Variants in PLAA observed in about 807,000 individuals in gnomAD.
The protein encoded by PLAA is phospholipase A-2-activating protein.
Under a neutral mutation model 84.1 loss-of-function variants are expected in PLAA, and 48 were observed. The observed-to-expected ratio is 0.57, with a 90% confidence interval of 0.45 to 0.73. PLAA has a LOEUF of 0.73. Ranked by LOEUF, PLAA falls within the 30% of genes least tolerant of loss-of-function variation. The pLI is 0.00. For synonymous variants in PLAA, 392 were observed against 336.6 expected (o/e 1.16, Z -1.80); for missense variants, 903 against 954.7 (o/e 0.95, Z 0.71).
intron 6 of PLAA, 150 bp from the exon 7 acceptor site, chr9:26,923,497 C>A: frequency 1.8e-6 from 1 of 563,574 alleles, no homozygotes; most frequent in Non-Finnish European, 3.1e-6. Flanking sequence ...ACTGTGCTGA[C>A]TTCAGCACAT....
chr9:26,916,379 C>T (rs897583909), intron 10 of PLAA: 6 of 986,864 alleles, frequency 6.1e-6, no homozygotes, highest in East Asian at 1.1e-4. Context: ...TCTTCAGCTG[C>T]CTTAAAGTCC....
At chr9:26,925,022 T>C (rs1250881506) in intron 6 of PLAA, among the ~76,000 whole-genome samples, 4 of 152,236 alleles carry the variant, frequency 2.6e-5, no homozygotes, top group Non-Finnish European at 5.9e-5. Flanking sequence ...TTAATGAAGA[T>C]TTCCAATCAC....
chr9:26,923,295 C>T lies in PLAA; in HGVS notation c.922G>A (p.Glu308Lys), dbSNP rs781074905. 42 of 1,613,648 alleles carry T rather than the reference C, an allele frequency of 2.6e-5. No individual in the cohort carries two copies. The highest frequency in any genetic ancestry group is 3.3e-5 in the Non-Finnish European group (39 of 1,179,788). Residue 308 changes from glutamate (E) to lysine (K), a missense_variant, in exon 7 of 14, where the codon GAA becomes AAA. Coordinates refer to ENST00000397292, the MANE Select transcript of PLAA (RefSeq NM_001031689.3). Reference sequence around the variant, plus strand: ...TCTTTTTCAAAAGCCTTGATTTCTTCAGCACTTGCTGTTCGATCTTCTGAT... The same window carrying T: ...TCTTTTTCAAAAGCCTTGATTTCTTTAGCACTTGCTGTTCGATCTTCTGAT... ...TESEDRTASA[E>K]EIKAFEKELS...
At chr9:26,913,657 G>A (rs1046774170) in intron 11 of PLAA, among the ~76,000 whole-genome samples, 3 of 152,048 alleles carry the variant, frequency 2.0e-5, no homozygotes, top group African/African-American at 7.3e-5. Flanking sequence ...AGCATCTCTG[G>A]GGATAAGGCT....
chr9:26,944,623 T>G (rs996488307), intron 1 of PLAA, among the ~76,000 whole-genome samples: 1 of 152,214 alleles, frequency 6.6e-6, no homozygotes, highest in Non-Finnish European at 1.5e-5. Flanking sequence ...CCTCATAATG[T>G]TTTAAGAAAG....
In PLAA at chr9:26,917,114, G is replaced by A. The variant is rs1824587153; in HGVS notation, c.1469C>T (p.Thr490Ile). 3.7e-6 allele frequency: 6 copies of A among 1,613,814 alleles called. No individual in the cohort carries two copies. The highest frequency in any genetic ancestry group is 5.1e-6 in the Non-Finnish European group (6 of 1,179,730). ...GSSGSSNTLPTADPFTGAGRY... is the reference protein window; with the variant it reads ...GSSGSSNTLPIADPFTGAGRY... ...CATCCCACCTGTAAAAGGATCTGCT[G>A]TGGGTAGTGTGTTAGAAGATCCCGA... Residue 490 changes from threonine (T) to isoleucine (I), a missense_variant, in exon 10 of 14, where the codon ACA becomes ATA. Transcript: ENST00000397292.
At chr9:26,917,960 A>C (rs780293131) in intron 9 of PLAA, among the ~76,000 whole-genome samples, 18 of 152,240 alleles carry the variant, frequency 1.2e-4, no homozygotes, top group Non-Finnish European at 2.4e-4. Flanking sequence ...CTTACACAGT[A>C]CTACAATCTG....
intron 9 of PLAA, among the ~76,000 whole-genome samples, chr9:26,918,109 T>A (rs1441528779): frequency 1.3e-5 from 2 of 151,830 alleles, no homozygotes; most frequent in African/African-American, 4.9e-5. Context: ...ATAATTTTTT[T>A]TAAAATTTTT....
chr9:26,944,895 A>G (rs1825641655), intron 1 of PLAA, among the ~76,000 whole-genome samples: 1 of 152,258 alleles, frequency 6.6e-6, no homozygotes, highest in African/African-American at 2.4e-5. Flanking sequence ...TGGGAGGCCA[A>G]GGTGGGCAGA....
At position 26,904,819 on chromosome 9, in the gene PLAA, T is replaced by C. The variant is rs768226682; in HGVS notation, c.*692A>G. On this transcript the variant is annotated 3_prime_UTR_variant, in exon 14 of 14. Coordinates refer to ENST00000397292, the MANE Select transcript of PLAA (RefSeq NM_001031689.3). ...TCAAAACTAGAATGAAAAATGAAGT[T>C]ACCTCAAATAGTGAAGGGCAAAAGA... 3 of 152,350 alleles carry C rather than the reference T, an allele frequency of 2.0e-5. No homozygotes were observed. The highest frequency in any genetic ancestry group is 4.4e-5 in the Non-Finnish European group (3 of 67,990). The allele number at this position is 152,350 out of a possible 1,614,324, so 9.4% of individuals were successfully genotyped here.
chr9:26,943,183 T>TAG (rs1345009533), intron 1 of PLAA, among the ~76,000 whole-genome samples: 1 of 152,102 alleles, frequency 6.6e-6, no homozygotes, highest in Non-Finnish European at 1.5e-5. Flanking sequence ...AGCTAGCTTA[T>TAG]AGAGACCTGA....
chr9:26,935,309 T>C (rs1332194782), intron 1 of PLAA, 103 bp from the exon 2 acceptor site: 3 of 642,398 alleles, frequency 4.7e-6, no homozygotes, highest in Non-Finnish European at 7.7e-6. Flanking sequence ...AGACAAACTT[T>C]AGAGTATATA....
chr9:26,916,538 T>C (rs1370091308), intron 10 of PLAA: 4 of 986,930 alleles, frequency 4.1e-6, no homozygotes, highest in Non-Finnish European at 4.8e-6. Context: ...GGTAGTTGGG[T>C]GGAATGTCTC....
At position 26,905,715 on chromosome 9, in the gene PLAA, T is replaced by A. The variant is rs1415251345; in HGVS notation, c.2184A>T (p.Leu728=). The change falls in exon 14 of 14, where the codon CTA becomes CTT. Residue 728 remains leucine (L), a synonymous_variant. Coordinates refer to ENST00000397292, the MANE Select transcript of PLAA (RefSeq NM_001031689.3). ...GTACTACTTCCAAGATTGTGCTAATTAGTGACAAACATTGGGCTTTCCCTT... is the reference window on the plus strand; with the variant it reads ...GTACTACTTCCAAGATTGTGCTAATAAGTGACAAACATTGGGCTTTCCCTT... ...NIEGKAQCLS[L]ISTILEVVQD... 2 of 1,614,048 alleles carry A rather than the reference T, an allele frequency of 1.2e-6. No homozygotes were observed. The highest frequency in any genetic ancestry group is 4.5e-5 in the East Asian group (2 of 44,894).
At chr9:26,927,451 C>T (rs868433069) in intron 4 of PLAA, among the ~76,000 whole-genome samples, 1 of 152,148 alleles carries the variant, frequency 6.6e-6, no homozygotes. Flanking sequence ...TACAAAGGGA[C>T]TTCTTGCATA....
chr9:26,930,522 A>T lies in PLAA; in HGVS notation c.344-2114T>A, dbSNP rs140819119. 1.4e-3 allele frequency among the ~76,000 whole-genome samples: 220 copies of T among 151,934 alleles called. 4 individuals are homozygous for T. The East Asian group carries it at 0.021, about 15-fold the overall frequency. On this transcript the variant is annotated intron_variant, in intron 2 of 13. Transcript: ENST00000397292. Reference sequence around the variant, plus strand: ...AAAATCTGATGAACAGAGTCCCTTTATTAATCCATGTTGAACATGTAGGGT... The same window carrying T: ...AAAATCTGATGAACAGAGTCCCTTTTTTAATCCATGTTGAACATGTAGGGT...
chr9:26,940,790 A>G (rs892938047), intron 1 of PLAA, among the ~76,000 whole-genome samples: 2 of 152,218 alleles, frequency 1.3e-5, no homozygotes, highest in East Asian at 3.8e-4. Context: ...GCATTATGAA[A>G]AAGTCTTCAA....
intron 12 of PLAA, among the ~76,000 whole-genome samples, chr9:26,910,040 A>AT (rs35465977): frequency 2.0e-5 from 3 of 151,958 alleles, no homozygotes; most frequent in Non-Finnish European, 2.9e-5. Context: ...ATATTCATTA[A>AT]TTTTTTTTGA....
At chr9:26,911,508 C>T (rs752594600) in intron 11 of PLAA, among the ~76,000 whole-genome samples, 27 of 152,096 alleles carry the variant, frequency 1.8e-4, no homozygotes, top group Non-Finnish European at 3.5e-4. Context: ...GGGCTGGTCT[C>T]GAACTCCTGA....
Sources: allele counts gnomAD v4.1 joint callset (sites outside exome capture counted in the v4.1 genomes callset), GRCh38; gene constraint gnomAD v4.1.1; transcripts MANE v1.5; gene names NCBI Gene and HGNC (gene_info 2026-07-23, HGNC 2026-07-21).